GTPBP4: variants seen among roughly 807,000 people sequenced by gnomAD.
GTPBP4 encodes the protein GTP binding protein 4.
In GTPBP4, 15 loss-of-function variants were observed where a neutral mutation model predicts 81.7. The ratio of observed to expected loss-of-function variants is 0.18; its 90% CI spans 0.12 to 0.28. The LOEUF is 0.28. Among genes scored for constraint, GTPBP4 ranks in the 10% least tolerant of loss-of-function variants. The pLI is 1.00. For synonymous variants in GTPBP4, 272 were observed against 274.6 expected (o/e 0.99, Z 0.09); for missense variants, 847 against 793.8 (o/e 1.07, Z -0.81).
chr10:1,017,616 T>G lies in GTPBP4; in HGVS notation c.*389T>G, dbSNP rs1832015778. 1 of 159,402 alleles carries G rather than the reference T, an allele frequency of 6.3e-6. No individual in the cohort carries two copies. Among genetic ancestry groups the G allele is most frequent in the Admixed American group, 6.4e-5 (1 of 15,530 alleles). The allele number at this position is 159,402 out of a possible 1,614,324, so 9.9% of individuals were successfully genotyped here. A position where few individuals can be genotyped will look rare whatever the true frequency, so the allele number is the denominator to read the frequency against. On this transcript the variant is annotated 3_prime_UTR_variant, in exon 17 of 17. Transcript: ENST00000360803. ...CTTAAAATACGCTCTTAAATTATTT[T>G]CTAGTCTTATTTTACAATGTCTCAT...
intron 12 of GTPBP4, among the ~76,000 whole-genome samples, chr10:1,009,851 C>T (rs1168261657): frequency 1.3e-5 from 2 of 152,120 alleles, no homozygotes; most frequent in African/African-American, 4.8e-5. Context: ...AAAGATTAGC[C>T]GGGTGTGGTG....
At chr10:1,004,998 G>C (rs1831699572) in intron 8 of GTPBP4, among the ~76,000 whole-genome samples, 1 of 152,188 alleles carries the variant, frequency 6.6e-6, no homozygotes, top group African/African-American at 2.4e-5. Flanking sequence ...CTCCGGTGGT[G>C]AGGGCTGTGG....
rs995568946 is a variant in GTPBP4, at chr10:1,007,123, G to T, written c.1108G>T (p.Asp370Tyr). 5 of 1,554,600 alleles carry T rather than the reference G, an allele frequency of 3.2e-6. No homozygotes were observed. The highest frequency in any genetic ancestry group is 4.4e-6 in the Non-Finnish European group (5 of 1,125,684). Residue 370 changes from aspartate (D) to tyrosine (Y), a missense_variant, in exon 10 of 17, where the codon GAT becomes TAT. Asp to Tyr is a radical substitution (Grantham distance 160). Around this residue, in one of 3 missense-constraint regions of GTPBP4, gnomAD observed 600 missense variants for 557.1 expected, o/e 1.08. Coordinates refer to ENST00000360803, the MANE Select transcript of GTPBP4 (RefSeq NM_012341.3). ...LHLAIPTRRD[D>Y]KERPPFIPEG... ...CCTGGCTATCCCAACCAGGAGGGAC[G>T]ATAAGGTAAGACGGCCCCTGGGACA...
Position 1,008,968 on chromosome 10 carries a change from C to A in GTPBP4, c.1124C>A (p.Pro375His), listed in dbSNP as rs762196336. ...PTRRDDKERPPFIPEGVVARR... is the reference protein window; with the variant it reads ...PTRRDDKERPHFIPEGVVARR... Reference sequence around the variant, plus strand: ...ATGGGATCTTCTCAGGAGAGGCCCCCTTTCATCCCTGAAGGAGTGGTGGCT... The same window carrying A: ...ATGGGATCTTCTCAGGAGAGGCCCCATTTCATCCCTGAAGGAGTGGTGGCT... The change falls in exon 11 of 17, where the codon CCT (proline) becomes CAT (histidine). Residue 375 changes from proline (P) to histidine (H), a missense_variant. This residue lies in a region of GTPBP4 where 600 missense variants were observed against 557.1 expected (regional missense o/e 1.08). Transcript: ENST00000360803. 3.7e-6 allele frequency: 6 copies of A among 1,610,094 alleles called. No individual in the cohort carries two copies. The highest frequency in any genetic ancestry group is 1.7e-5 in the Admixed American group (1 of 60,002).
chr10:992,895 G>A (rs1420560317), intron 2 of GTPBP4, among the ~76,000 whole-genome samples: 1 of 152,180 alleles, frequency 6.6e-6, no homozygotes, highest in Non-Finnish European at 1.5e-5. Context: ...ATCTAAGGAG[G>A]CCCCAAGCTG....
At chr10:996,291 A>G (rs780480462) in intron 4 of GTPBP4, 49 bp downstream of exon 4, 2 of 1,546,198 alleles carry the variant, frequency 1.3e-6, no homozygotes, top group Non-Finnish European at 8.8e-7. Flanking sequence ...TGCTGAGAGG[A>G]TGCGTCCTTG....
At chr10:1,006,918 A>G (rs1831748459) in intron 9 of GTPBP4, 100 bp from the exon 10 acceptor site, 7 of 745,790 alleles carry the variant, frequency 9.4e-6, no homozygotes, top group Middle Eastern at 4.8e-4. Context: ...CCTTGAGGGA[A>G]AAGGCTCAGT....
Position 1,000,034 on chromosome 10 carries a change from TC to T in GTPBP4, c.655-641del, listed in dbSNP as rs201725140. On this transcript the variant is annotated intron_variant, in intron 6 of 16. Transcript: ENST00000360803. Reference sequence around the variant, plus strand: ...TTTTGTAAATTGTGAAGAAAGTAATTCCTAAGACATGGGAGGGTTCTCAGTT... The same window carrying T: ...TTTTGTAAATTGTGAAGAAAGTAATTCTAAGACATGGGAGGGTTCTCAGTT... 9.0e-3 allele frequency among the ~76,000 whole-genome samples: 1,377 copies of T among 152,244 alleles called. 23 individuals are homozygous for T. The highest frequency in any genetic ancestry group is 0.031 in the African/African-American group (1,292 of 41,542).
rs1211520238 is a variant in GTPBP4, at chr10:1,019,674, T to TG, written c.*2450dup. On this transcript the variant is annotated 3_prime_UTR_variant, in exon 17 of 17. Coordinates refer to ENST00000360803, the MANE Select transcript of GTPBP4 (RefSeq NM_012341.3). ...CTCCAGCAGCTCCCACAGCTCCTCC[T>TG]GGGACAGGTAGAGGATGCTTTTCGT... 6.2e-7 allele frequency: 1 copy of TG among 1,614,052 alleles called. No individual in the cohort carries two copies. The highest frequency in any genetic ancestry group is 8.5e-7 in the Non-Finnish European group (1 of 1,180,012).
At chr10:1,004,186 G>A (rs1370252581) in intron 8 of GTPBP4, among the ~76,000 whole-genome samples, 1 of 152,140 alleles carries the variant, frequency 6.6e-6, no homozygotes, top group African/African-American at 2.4e-5. Flanking sequence ...TCTGGACCCT[G>A]GGATGGTGGG....
intron 8 of GTPBP4, among the ~76,000 whole-genome samples, chr10:1,003,424 A>G (rs144142164): frequency 5.3e-4 from 81 of 152,208 alleles, no homozygotes; most frequent in African/African-American, 1.5e-3. Context: ...GTCTGTTCCT[A>G]GAGAGTTAAT....
chr10:1,002,508 T>G (rs186485387), intron 8 of GTPBP4, among the ~76,000 whole-genome samples: 100 of 152,374 alleles, frequency 6.6e-4, no homozygotes, highest in African/African-American at 2.3e-3. Flanking sequence ...GTGAATTTCT[T>G]GGATACTTTT....
At position 1,006,096 on chromosome 10, in the gene GTPBP4, G is replaced by A. The variant is rs545564133; in HGVS notation, c.1002+189G>A. On this transcript the variant is annotated intron_variant, in intron 9 of 16. Coordinates refer to ENST00000360803, the MANE Select transcript of GTPBP4 (RefSeq NM_012341.3). The stretch of plus-strand genomic sequence containing the variant: ...TTCTAAGACCCACTTTGCCCCCCGT[G>A]GACAGTGGGTTGTGAGGGGATGCTT... 2.0e-5 allele frequency among the ~76,000 whole-genome samples: 3 copies of A among 152,326 alleles called. No homozygotes were observed. In the South Asian group the frequency reaches 6.2e-4, roughly 32 times the overall value.
At chr10:1,011,784 G>A (rs182231199) in intron 13 of GTPBP4, among the ~76,000 whole-genome samples, 2 of 152,280 alleles carry the variant, frequency 1.3e-5, no homozygotes, top group African/African-American at 2.4e-5. Flanking sequence ...AGTCCAGCCC[G>A]TGCCCTCACT....
intron 5 of GTPBP4, among the ~76,000 whole-genome samples, 197 bp downstream of exon 5, chr10:997,505 G>T (rs1831555635): frequency 6.6e-6 from 1 of 152,268 alleles, no homozygotes; most frequent in Non-Finnish European, 1.5e-5. Flanking sequence ...CTGGTCTGCA[G>T]GAGTTCCCGG....
chr10:1,019,725 AC>A lies in GTPBP4; in HGVS notation c.*2499del, dbSNP rs1589035628. ...TTCACTGGGATCCGGGTTCAGAGTG[AC>A]GTTTTTCCTCACAAGCAGAAGGTAA... On this transcript the variant is annotated 3_prime_UTR_variant, in exon 17 of 17. Transcript: ENST00000360803. The A allele has an allele frequency of 6.2e-7, 1 of 1,613,922 alleles. No individual in the cohort carries two copies. Among genetic ancestry groups the A allele is most frequent in the East Asian group, 2.2e-5 (1 of 44,832 alleles).
rs1831719929 is a variant in GTPBP4 at position 1,005,865 on chromosome 10, C to T, written c.960C>T (p.Thr320=). The T allele has an allele frequency of 1.2e-6, 2 of 1,601,158 alleles. No homozygotes were observed. The highest frequency in any genetic ancestry group is 8.5e-7 in the Non-Finnish European group (1 of 1,171,828). Residue 320 remains threonine, a synonymous_variant, in exon 9 of 17, where the codon ACC becomes ACT. Coordinates refer to ENST00000360803, the MANE Select transcript of GTPBP4 (RefSeq NM_012341.3). The stretch of plus-strand genomic sequence containing the variant: ...CTGAAGGATTCCCTGTAATAGAGAC[C>T]AGCACCCTGACTGAGGAAGGTGTTA... ...LQSEGFPVIE[T]STLTEEGVIK... is the part of the protein sequence containing the mutation.
Position 1,010,434 on chromosome 10 carries a change from A to G in GTPBP4, c.1258A>G (p.Met420Val), listed in dbSNP as rs755772783. 3 of 1,553,330 alleles carry G rather than the reference A, an allele frequency of 1.9e-6. No homozygotes were observed. The highest frequency in any genetic ancestry group is 1.1e-5 in the South Asian group (1 of 89,858). The stretch of plus-strand genomic sequence containing the variant: ...TTTAACTTTAGAGTACTGGGATTTA[A>G]TGAATTTGTCTGAAAAACATGATAA... Reference protein sequence around the residue: ...ILDLQKYWDLMNLSEKHDKIP... With the variant: ...ILDLQKYWDLVNLSEKHDKIP... The change falls in exon 13 of 17, where the codon ATG becomes GTG. Residue 420 changes from methionine to valine, a missense_variant. Coordinates refer to ENST00000360803, the MANE Select transcript of GTPBP4 (RefSeq NM_012341.3).
Position 1,017,502 on chromosome 10 carries a change from T to C in GTPBP4, c.*275T>C. 1 of 313,742 alleles carries C rather than the reference T, an allele frequency of 3.2e-6. No individual in the cohort carries two copies. Among genetic ancestry groups the C allele is most frequent in the Non-Finnish European group, 5.8e-6 (1 of 172,718 alleles). 19.4% of individuals were successfully genotyped at this position (313,742 alleles called of 1,614,324 possible). ...TCAGAACTGGGAAGATTTACTGGTT[T>C]AACTAGGTTGTTTTTGATGGAGAAA... On this transcript the variant is annotated 3_prime_UTR_variant, in exon 17 of 17. Coordinates refer to ENST00000360803, the MANE Select transcript of GTPBP4 (RefSeq NM_012341.3).
Sources: gnomAD v4.1 joint callset for allele counts (sites outside exome capture counted in the v4.1 genomes callset) on GRCh38, gnomAD v4.1.1 for gene constraint, gnomAD v4.1.1 regional missense constraint, MANE v1.5 for transcripts, NCBI Gene and HGNC (gene_info 2026-07-23, HGNC 2026-07-21) for gene names.